The following ABAT variants were observed in gnomAD, a reference collection of about 807,000 sequenced individuals.
ABAT encodes the protein 4-aminobutyrate aminotransferase.
A neutral mutation model predicts 64.6 loss-of-function variants in ABAT; 45 were observed. The observed-to-expected ratio is 0.70, with a 90% CI of 0.55 to 0.89. The LOEUF is 0.89. ABAT is among the 40% of genes least tolerant of loss of function. The pLI is 0.00. For missense variants in ABAT, 633 were observed against 658.4 expected, an observed-to-expected ratio of 0.96 and a Z score of 0.42; for synonymous variants, 297 against 250.5, an observed-to-expected ratio of 1.19 and a Z score of -1.75.
chr16:8,707,426 A>G (rs2057973513), intron 1 of ABAT, among the ~76,000 whole-genome samples: 1 of 148,084 alleles, frequency 6.8e-6, no homozygotes, highest in African/African-American at 2.5e-5. Context: ...GGCCCAGGCA[A>G]TCCTCCCATC....
chr16:8,743,714 G>C (rs2059249620), intron 2 of ABAT, among the ~76,000 whole-genome samples: 1 of 145,292 alleles, frequency 6.9e-6, no homozygotes, highest in South Asian at 2.1e-4. Context: ...TATATATGTA[G>C]TTATATAATA....
chr16:8,677,954 G>A (rs548188191), intron 1 of ABAT, among the ~76,000 whole-genome samples: 3 of 152,174 alleles, frequency 2.0e-5, no homozygotes, highest in African/African-American at 4.8e-5. Flanking sequence ...AGCAACCTGG[G>A]AGGCTGAGGT....
intron 1 of ABAT, among the ~76,000 whole-genome samples, chr16:8,726,279 G>GTTTTTT (rs2058551761): frequency 5.6e-5 from 1 of 17,726 alleles, no homozygotes. Context: ...TTTTTTTTTT[G>GTTTTTT]AGATGGAGTC....
rs192039705 is a variant in ABAT at position 8,759,843 on chromosome 16, T to G, written c.366+2037T>G. Among the ~76,000 whole-genome samples, 117 of 152,248 alleles carry G rather than the reference T, an allele frequency of 7.7e-4. 1 individual carries two copies. Among genetic ancestry groups the G allele is most frequent in the African/African-American group, 2.7e-3 (114 of 41,570 alleles). On this transcript the variant is annotated intron_variant, in intron 6 of 15. Coordinates refer to ENST00000268251, the MANE Select transcript of ABAT (RefSeq NM_020686.6). ...ACAGGCGTGAGCCACCACACCCAGT[T>G]GTATTTCTCCAGTTCTTTATTGCCA...
At chr16:8,746,661 G>A (rs1211800628) in intron 3 of ABAT, among the ~76,000 whole-genome samples, 3 of 151,564 alleles carry the variant, frequency 2.0e-5, no homozygotes, top group Non-Finnish European at 4.4e-5. Flanking sequence ...GATTACAGGC[G>A]AGATGGTGCC....
Position 8,740,288 on chromosome 16 carries a change from G to A in ABAT, c.70+4479G>A, listed in dbSNP as rs541364575. ...CTATGTTTATTATCTCACAGTTTCT[G>A]CGGGTTGGGACTCCAGGGGTGACTT... On this transcript the variant is annotated intron_variant, in intron 2 of 15. Transcript: ENST00000268251. Among the ~76,000 whole-genome samples, 5 of 152,290 alleles carry A rather than the reference G, an allele frequency of 3.3e-5. No homozygotes were observed. The South Asian group carries it at 6.2e-4, about 19-fold the overall frequency.
rs1368793191 is a variant in ABAT, at chr16:8,679,031, A to G, written c.-42+4320A>G. Among the ~76,000 whole-genome samples the G allele has an allele frequency of 3.3e-5, 5 of 152,298 alleles. No individual in the cohort carries two copies. In the East Asian group the frequency reaches 9.6e-4, roughly 29 times the overall value. On this transcript the variant is annotated intron_variant, in intron 1 of 15. Coordinates refer to ENST00000268251, the MANE Select transcript of ABAT (RefSeq NM_020686.6). ...AGCTTCCCATGCATTAAAAATGAGC[A>G]AAGTGGGCTGGCCACCTTGTCTCAC... is the stretch of plus-strand genomic sequence containing the variant.
Position 8,684,633 on chromosome 16 carries a change from C to T in ABAT, c.-42+9922C>T, listed in dbSNP as rs572535482. Among the ~76,000 whole-genome samples, 67 of 151,274 alleles carry T rather than the reference C, an allele frequency of 4.4e-4. No individual in the cohort carries two copies. In the Middle Eastern group the frequency reaches 0.014, roughly 31 times the overall value. Reference sequence around the variant, plus strand: ...ACTCAGGAGGCTGAGGCAGGAGGGTCGCTTGAGTCAAGGAGGCCGAGCCAG... The same window carrying T: ...ACTCAGGAGGCTGAGGCAGGAGGGTTGCTTGAGTCAAGGAGGCCGAGCCAG... On this transcript the variant is annotated intron_variant, in intron 1 of 15. Coordinates refer to ENST00000268251, the MANE Select transcript of ABAT (RefSeq NM_020686.6).
chr16:8,772,114 G>T (rs2142992765), intron 11 of ABAT, among the ~76,000 whole-genome samples: 1 of 152,152 alleles, frequency 6.6e-6, no homozygotes, highest in Admixed American at 6.5e-5. Context: ...TGCCCCAAAA[G>T]GATTCTCACA....
chr16:8,747,548 G>T (rs1731034), intron 3 of ABAT, among the ~76,000 whole-genome samples: 75,147 of 151,834 alleles, frequency 0.49, 21,048 homozygotes, highest in Non-Finnish European at 0.61. Flanking sequence ...TATTTTTATT[G>T]GAAATATATA....
rs886052445 is a variant in ABAT, at chr16:8,783,730, G to A, written c.*2300G>A. ...GGTGCAAATATTCAGTATGGTTCTC[G>A]GAGTCCAAAGGGTTTTAAGCCAGGG... On this transcript the variant is annotated 3_prime_UTR_variant, in exon 16 of 16. Transcript: ENST00000268251. 6.6e-5 allele frequency: 10 copies of A among 152,124 alleles called. No homozygotes were observed. The highest frequency in any genetic ancestry group is 2.0e-4 in the Admixed American group (3 of 15,260). The allele number at this position is 152,124 out of a possible 1,614,324, so 9.4% of individuals were successfully genotyped here. A position where few individuals can be genotyped will look rare whatever the true frequency, so the allele number is the denominator to read the frequency against.
At position 8,702,533 on chromosome 16, in the gene ABAT, G is replaced by A. The variant is rs188289322; in HGVS notation, c.-42+27822G>A. On this transcript the variant is annotated intron_variant, in intron 1 of 15. Transcript: ENST00000268251. ...CTCCCAAAGTGCTGGGATTATAGGC[G>A]GGAGCCACTGCACCTGGCTACACTC... 3.9e-5 allele frequency among the ~76,000 whole-genome samples: 6 copies of A among 152,182 alleles called. No individual in the cohort carries two copies. In the East Asian group the frequency reaches 7.7e-4, roughly 20 times the overall value.
intron 6 of ABAT, among the ~76,000 whole-genome samples, chr16:8,758,135 C>G (rs1353351943): frequency 6.6e-6 from 1 of 152,226 alleles, no homozygotes; most frequent in African/African-American, 2.4e-5. Context: ...GTACCAAACA[C>G]TGTGTTCAGC....
At chr16:8,777,008 C>G (rs1398042754) in intron 14 of ABAT, among the ~76,000 whole-genome samples, 1 of 152,182 alleles carries the variant, frequency 6.6e-6, no homozygotes, top group East Asian at 1.9e-4. Flanking sequence ...AGGAGATTCT[C>G]CGGCCTCAGC....
intron 12 of ABAT, 43 bp downstream of exon 12, chr16:8,772,960 C>T: frequency 6.2e-7 from 1 of 1,611,930 alleles, no homozygotes; most frequent in Non-Finnish European, 8.5e-7. Context: ...ATTGGGTTTT[C>T]TGGGTTGAGT....
In ABAT at chr16:8,710,683, T is replaced by TGAGAGAGAGAGAGA. The variant is rs762237876; in HGVS notation, c.-41-25006_-41-25005insGAGAGAGAGAGAGA. ...TGAGTCCAGGAGGTTAAGGCTGCAC[T>TGAGAGAGAGAGAGA]GAGAGAGAGACAGAGAGAGAGAGAG... On this transcript the variant is annotated intron_variant, in intron 1 of 15. Coordinates refer to ENST00000268251, the MANE Select transcript of ABAT (RefSeq NM_020686.6). 8.0e-4 allele frequency among the ~76,000 whole-genome samples: 70 copies of TGAGAGAGAGAGAGA among 87,826 alleles called. 3 individuals are homozygous for TGAGAGAGAGAGAGA. The highest frequency in any genetic ancestry group is 1.1e-3 in the East Asian group (2 of 1,818). The allele number at this position is 87,826 out of a possible 152,430, so 57.6% of individuals were successfully genotyped here. A position where few individuals can be genotyped will look rare whatever the true frequency, so the allele number is the denominator to read the frequency against.
intron 2 of ABAT, chr16:8,738,373 C>T (rs1489879797): frequency 1.8e-5 from 8 of 455,366 alleles, no homozygotes; most frequent in Middle Eastern, 6.5e-4. Flanking sequence ...TGGTATGTTA[C>T]CATTAACCAA....
chr16:8,763,684 G>A (rs980934045), intron 6 of ABAT, among the ~76,000 whole-genome samples: 15 of 152,198 alleles, frequency 9.9e-5, no homozygotes, highest in African/African-American at 2.7e-4. Context: ...GATTACAGGC[G>A]TGAGGCACTG....
At chr16:8,748,067 G>T in intron 3 of ABAT, 41 bp from the exon 4 acceptor site, 3 of 1,602,586 alleles carry the variant, frequency 1.9e-6, no homozygotes, top group Non-Finnish European at 2.6e-6. Flanking sequence ...TTTGGCAAGA[G>T]TGTGGACTTG....
Sources: gnomAD v4.1 joint callset for allele counts (sites outside exome capture counted in the v4.1 genomes callset) on GRCh38, gnomAD v4.1.1 for gene constraint, MANE v1.5 for transcripts, NCBI Gene and HGNC (gene_info 2026-07-23, HGNC 2026-07-21) for gene names.